WDR76: variants seen among roughly 807,000 people sequenced by gnomAD.
The protein encoded by WDR76 is WD repeat-containing protein 76.
A neutral mutation model predicts 70.2 loss-of-function variants in WDR76; 52 were observed. The ratio of observed to expected loss-of-function variants is 0.74; its 90% CI spans 0.59 to 0.93. WDR76 has a LOEUF of 0.93. Among genes scored for constraint, WDR76 ranks in the 40% least tolerant of loss-of-function variants. WDR76 has a pLI of 0.00. For synonymous variants in WDR76, 292 were observed against 271.1 expected (o/e 1.08, Z -0.76); for missense variants, 756 against 760.2 (o/e 0.99, Z 0.07).
intron 5 of WDR76, among the ~76,000 whole-genome samples, chr15:43,841,231 C>G (rs2087721733): frequency 7.6e-6 from 1 of 131,492 alleles, no homozygotes; most frequent in Non-Finnish European, 1.6e-5. Context: ...GAGACGGAGT[C>G]TCAATCTGTT....
chr15:43,846,335 G>T (rs2087788223), intron 8 of WDR76, among the ~76,000 whole-genome samples: 1 of 148,646 alleles, frequency 6.7e-6, no homozygotes, highest in South Asian at 2.1e-4. Flanking sequence ...GCCCAGGCTG[G>T]AGTGCAGTGG....
intron 2 of WDR76, among the ~76,000 whole-genome samples, chr15:43,832,527 C>T (rs1223205100): frequency 6.6e-6 from 1 of 151,856 alleles, no homozygotes; most frequent in Non-Finnish European, 1.5e-5. Flanking sequence ...CTCACTGCAA[C>T]CTCTGCCTTC....
chr15:43,830,970 C>G (rs965671401), intron 2 of WDR76, among the ~76,000 whole-genome samples: 19 of 152,064 alleles, frequency 1.2e-4, no homozygotes, highest in Non-Finnish European at 2.5e-4. Context: ...ATTGCTTGAA[C>G]TGAGGAGGTA....
intron 2 of WDR76, among the ~76,000 whole-genome samples, chr15:43,831,737 C>G (rs1170978735): frequency 6.6e-6 from 1 of 151,772 alleles, no homozygotes; most frequent in African/African-American, 2.4e-5. Flanking sequence ...ACCGCGCATG[C>G]CATGTCTTTC....
chr15:43,853,241 A>G (rs2087885418), intron 9 of WDR76, among the ~76,000 whole-genome samples: 1 of 151,746 alleles, frequency 6.6e-6, no homozygotes, highest in Non-Finnish European at 1.5e-5. Context: ...CTCCAGCTGG[A>G]GTGAAGTGGC....
At chr15:43,858,628 A>G in intron 10 of WDR76, 43 bp from the exon 11 acceptor site, 2 of 1,603,274 alleles carry the variant, frequency 1.2e-6, no homozygotes, top group Non-Finnish European at 1.7e-6. Flanking sequence ...GAGGTTCATT[A>G]CATGTACTAT....
intron 9 of WDR76, 83 bp downstream of exon 9, chr15:43,851,328 T>C (rs972095791): frequency 1.5e-5 from 23 of 1,547,014 alleles, no homozygotes; most frequent in South Asian, 2.5e-5. Context: ...ATTATACCAA[T>C]TGGGAGAAGT....
intron 12 of WDR76, among the ~76,000 whole-genome samples, chr15:43,865,011 A>G (rs1344152649): frequency 6.6e-6 from 1 of 150,524 alleles, no homozygotes; most frequent in Admixed American, 6.6e-5. Context: ...TGCAACCTCC[A>G]CCTCCCGGGT....
intron 12 of WDR76, among the ~76,000 whole-genome samples, chr15:43,862,690 A>T (rs1176111994): frequency 6.7e-6 from 1 of 149,818 alleles, no homozygotes; most frequent in Non-Finnish European, 1.5e-5. Context: ...TTGTATTTTT[A>T]GTAGAGATGG....
At position 43,842,618 on chromosome 15, in the gene WDR76, A is replaced by G; in HGVS notation, c.835-10A>G. On this transcript the variant is annotated splice_polypyrimidine_tract_variant and intron_variant, in intron 6 of 12. Coordinates refer to ENST00000263795, the MANE Select transcript of WDR76 (RefSeq NM_024908.4). ...CTAACTTAGTTCTTTCATCTCTCCC[A>G]ATGTTTCAGCCAAGTAGTAAGAACA... The G allele has an allele frequency of 6.2e-7, 1 of 1,609,084 alleles. No homozygotes were observed. The highest frequency in any genetic ancestry group is 2.2e-5 in the East Asian group (1 of 44,774).
In WDR76 at chr15:43,836,209, T is replaced by C. The variant is rs539382095; in HGVS notation, c.601T>C (p.Ser201Pro). ...EMIEKRQPPKSKRKKPKRENG... is the reference protein window; with the variant it reads ...EMIEKRQPPKPKRKKPKRENG... ...GATAGAGAAGAGACAGCCTCCTAAA[T>C]CCAAAAGGTAAAATATCTAGTTTGC... Residue 201 changes from serine (S) to proline (P), a missense_variant, in exon 4 of 13, where the codon TCC becomes CCC. Coordinates refer to ENST00000263795, the MANE Select transcript of WDR76 (RefSeq NM_024908.4). 3 of 1,609,958 alleles carry C rather than the reference T, an allele frequency of 1.9e-6. No homozygotes were observed. In the South Asian group the frequency reaches 3.3e-5, roughly 18 times the overall value.
At chr15:43,861,755 C>T (rs2087999732) in intron 12 of WDR76, among the ~76,000 whole-genome samples, 1 of 151,808 alleles carries the variant, frequency 6.6e-6, no homozygotes, top group Admixed American at 6.6e-5. Flanking sequence ...TTATTCTGGG[C>T]CTTGAGGGCT....
chr15:43,857,435 A>G lies in WDR76; in HGVS notation c.1409+272A>G, dbSNP rs113009489. The G allele has an allele frequency of 1.1e-3, 1,105 of 984,306 alleles. 9 individuals are homozygous for G. The African/African-American group carries it at 0.018, about 16-fold the overall frequency. The allele number at this position is 984,306 out of a possible 1,614,324, so 61.0% of individuals were successfully genotyped here. ...TATGCATTCGCCTCTTATGAGAAGA[A>G]AATTTAAATTTCACAGAAAAAAAAG... On this transcript the variant is annotated intron_variant, in intron 10 of 12. Coordinates refer to ENST00000263795, the MANE Select transcript of WDR76 (RefSeq NM_024908.4).
At chr15:43,838,518 T>A (rs909165168) in intron 4 of WDR76, among the ~76,000 whole-genome samples, 30 of 152,354 alleles carry the variant, frequency 2.0e-4, no homozygotes, top group African/African-American at 7.0e-4. Context: ...AGTGAGTGTA[T>A]CCTTAAACAC....
chr15:43,847,424 C>A (rs1379978242), intron 8 of WDR76, among the ~76,000 whole-genome samples: 2 of 150,682 alleles, frequency 1.3e-5, no homozygotes. Flanking sequence ...CCACACCTGG[C>A]TAATTTTTTT....
chr15:43,858,147 G>A (rs2087952960), intron 10 of WDR76, among the ~76,000 whole-genome samples: 1 of 151,684 alleles, frequency 6.6e-6, no homozygotes, highest in Admixed American at 6.6e-5. Flanking sequence ...TGGCCAGGCT[G>A]GTCTTGAACT....
At chr15:43,865,945 C>T (rs1334627978) in intron 12 of WDR76, among the ~76,000 whole-genome samples, 183 bp from the exon 13 acceptor site, 2 of 152,134 alleles carry the variant, frequency 1.3e-5, no homozygotes, top group Non-Finnish European at 1.5e-5. Flanking sequence ...AGGAGGATAT[C>T]GTCTCTGTCC....
At chr15:43,863,050 C>T (rs1441507795) in intron 12 of WDR76, among the ~76,000 whole-genome samples, 2 of 152,188 alleles carry the variant, frequency 1.3e-5, no homozygotes, top group East Asian at 1.9e-4. Flanking sequence ...ATTCTCCTGC[C>T]TCAACCTCTT....
chr15:43,845,080 A>G (rs1002826339), intron 8 of WDR76, among the ~76,000 whole-genome samples: 2 of 144,374 alleles, frequency 1.4e-5, no homozygotes, highest in Non-Finnish European at 1.6e-5. Flanking sequence ...TCTTGCCTCA[A>G]CCTCCCGAGT....
Sources: gnomAD v4.1 joint callset for allele counts (sites outside exome capture counted in the v4.1 genomes callset) on GRCh38, gnomAD v4.1.1 for gene constraint, MANE v1.5 for transcripts, NCBI Gene and HGNC (gene_info 2026-07-23, HGNC 2026-07-21) for gene names.